Variants in MFSD11 observed in about 807,000 individuals in gnomAD.
The protein encoded by MFSD11 is UNC93-like protein MFSD11.
In MFSD11, 36 loss-of-function variants were observed where a neutral mutation model predicts 53.5. That is an observed-to-expected ratio of 0.67 (90% CI 0.52 to 0.89). The LOEUF (loss-of-function observed/expected upper bound fraction) is 0.89. Ranked by LOEUF, MFSD11 falls within the 40% of genes least tolerant of loss-of-function variation. MFSD11 has a pLI of 0.00. For missense variants in MFSD11, 530 were observed against 543.9 expected (o/e 0.97, Z 0.25); for synonymous variants, 186 against 184.9 (o/e 1.01, Z -0.05).
intron 8 of MFSD11, chr17:76,767,042 A>T (rs1421500482): frequency 5.1e-6 from 1 of 196,666 alleles, no homozygotes; most frequent in African/African-American, 2.4e-5. Flanking sequence ...TGCTTTGCTG[A>T]TTGTTGACTC....
At chr17:76,750,275 G>A (rs2078940844) in intron 7 of MFSD11, among the ~76,000 whole-genome samples, 1 of 151,772 alleles carries the variant, frequency 6.6e-6, no homozygotes, top group African/African-American at 2.4e-5. Context: ...CATCTAAATA[G>A]TATTTGCTTC....
intron 7 of MFSD11, among the ~76,000 whole-genome samples, chr17:76,750,501 G>T (rs2078966555): frequency 6.6e-6 from 1 of 151,574 alleles, no homozygotes; most frequent in Non-Finnish European, 1.5e-5. Context: ...GGGACTACAG[G>T]CTCCTGCCAC....
At chr17:76,800,979 A>G in the MFSD11 span, among the ~76,000 whole-genome samples, 1 of 151,816 alleles carries the variant, frequency 6.6e-6, no homozygotes, top group East Asian at 1.9e-4. Flanking sequence ...TGGGAGGTGG[A>G]GGCAGGAGAA....
chr17:76,751,911 C>T (rs548624195), intron 7 of MFSD11, among the ~76,000 whole-genome samples: 2 of 152,082 alleles, frequency 1.3e-5, no homozygotes, highest in Non-Finnish European at 1.5e-5. Flanking sequence ...TAATTAGCAG[C>T]AAAGCCAGGC....
intron 2 of MFSD11, among the ~76,000 whole-genome samples, chr17:76,740,470 A>G (rs1220060260): frequency 6.6e-6 from 1 of 152,208 alleles, no homozygotes; most frequent in East Asian, 1.9e-4. Context: ...TGACGCTGCC[A>G]GAGTTGTAGG....
intron 9 of MFSD11, chr17:76,769,469 TC>T (rs77893121): frequency 0.076 from 20,004 of 263,056 alleles, 1,585 homozygotes; most frequent in East Asian, 0.4. Flanking sequence ...CCTAATTGCC[TC>T]CAAAAGGCCC....
chr17:76,800,092 A>C, the MFSD11 span, among the ~76,000 whole-genome samples: 2 of 150,630 alleles, frequency 1.3e-5, no homozygotes, highest in African/African-American at 4.9e-5. Context: ...AGTGGCTGGG[A>C]TTACGGGCAC....
chr17:76,772,763 A>G (rs1328676785), intron 10 of MFSD11, among the ~76,000 whole-genome samples: 4 of 151,412 alleles, frequency 2.6e-5, no homozygotes, highest in Admixed American at 6.6e-5. Context: ...TGATCCACCC[A>G]CCTCGGCCTC....
chr17:76,794,700 TTTTTTG>T, the MFSD11 span, among the ~76,000 whole-genome samples: 6 of 2,668 alleles, frequency 2.2e-3, no homozygotes, highest in Admixed American at 0.011. Context: ...TTTTTTTTTT[TTTTTTG>T]TTTTGAGATG....
upstream of MFSD11, chr17:76,736,665 G>T: frequency 6.6e-6 from 8 of 1,212,708 alleles, no homozygotes; most frequent in Non-Finnish European, 8.5e-6. Flanking sequence ...GGTGGCCGGA[G>T]GGTCGCGAGA....
At chr17:76,744,222 C>T (rs2078347718) in intron 6 of MFSD11, 100 bp from the exon 7 acceptor site, 20 of 1,134,058 alleles carry the variant, frequency 1.8e-5, no homozygotes, top group Middle Eastern at 2.4e-4. Flanking sequence ...AAAAATGTAA[C>T]GAGGAAGTGT....
chr17:76,791,830 G>T, the MFSD11 span, among the ~76,000 whole-genome samples: 1 of 147,034 alleles, frequency 6.8e-6, no homozygotes, highest in South Asian at 2.2e-4. Context: ...GCTGGTTTTG[G>T]TTTTTTGCTT....
At chr17:76,774,454 A>C (rs991432267) in intron 10 of MFSD11, among the ~76,000 whole-genome samples, 1 of 152,200 alleles carries the variant, frequency 6.6e-6, no homozygotes, top group African/African-American at 2.4e-5. Flanking sequence ...CTTAAAAATT[A>C]TAAAGGTCTT....
chr17:76,744,474 GT>G lies in MFSD11; in HGVS notation c.641+10del, dbSNP rs775423981. The G allele has an allele frequency of 1.9e-6, 3 of 1,604,120 alleles. No individual in the cohort carries two copies. The highest frequency in any genetic ancestry group is 2.5e-6 in the Non-Finnish European group (3 of 1,176,986). ...GGACATGGAAGTCAACGAGTAAGAT[GT>G]TGGAAACATTCTATTTTATTTTAAA... On this transcript the variant is annotated intron_variant, in intron 7 of 12. Transcript: ENST00000685175.
chr17:76,787,780 C>G, the MFSD11 span, among the ~76,000 whole-genome samples: 1 of 149,244 alleles, frequency 6.7e-6, no homozygotes, highest in Non-Finnish European at 1.5e-5. Flanking sequence ...CAGCCATGAC[C>G]GGGGAAAAAA....
intron 8 of MFSD11, 38 bp downstream of exon 8, chr17:76,754,125 A>T (rs1164496707): frequency 7.0e-7 from 1 of 1,423,680 alleles, no homozygotes; most frequent in African/African-American, 2.9e-5. Context: ...AGAACTGTTC[A>T]GGAACAACTC....
the MFSD11 span, among the ~76,000 whole-genome samples, chr17:76,802,367 C>A: frequency 6.6e-6 from 1 of 152,150 alleles, no homozygotes; most frequent in Non-Finnish European, 1.5e-5. Flanking sequence ...ATATGGCTAA[C>A]AAGAATGTAA....
At chr17:76,753,687 CAA>C (rs11393515) in intron 7 of MFSD11, among the ~76,000 whole-genome samples, 20 of 127,166 alleles carry the variant, frequency 1.6e-4, no homozygotes, top group African/African-American at 3.9e-4. Context: ...GACCCTGTCT[CAA>C]AAAAAAAAAA....
At chr17:76,764,720 T>C (rs2080659861) in intron 8 of MFSD11, among the ~76,000 whole-genome samples, 1 of 152,296 alleles carries the variant, frequency 6.6e-6, no homozygotes, top group African/African-American at 2.4e-5. Context: ...CATATAATAG[T>C]GCTGTAATGA....
Sources: allele counts gnomAD v4.1 joint callset (sites outside exome capture counted in the v4.1 genomes callset), GRCh38; gene constraint gnomAD v4.1.1; transcripts MANE v1.5; gene names NCBI Gene and HGNC (gene_info 2026-07-23, HGNC 2026-07-21).